C19orf47: variants seen among roughly 807,000 people sequenced by gnomAD.
The protein encoded by C19orf47 is uncharacterized protein C19orf47.
Under a neutral mutation model 32.3 loss-of-function variants are expected in C19orf47, and 18 were observed. The ratio of observed to expected loss-of-function variants is 0.56; its 90% CI spans 0.39 to 0.83. The LOEUF (loss-of-function observed/expected upper bound fraction) is 0.83. C19orf47 is among the 40% of genes least tolerant of loss of function. The pLI is 0.00. For missense variants in C19orf47, 484 were observed against 531.6 expected, an observed-to-expected ratio of 0.91 and a Z score of 0.88; for synonymous variants, 202 against 211.1, an observed-to-expected ratio of 0.96 and a Z score of 0.37.
chr19:40,342,096 G>A, intron 1 of C19orf47: 1 of 978,430 alleles, frequency 1.0e-6, no homozygotes, highest in South Asian at 4.7e-5. Context: ...CAAGGCCCAG[G>A]GACAGCAAAT....
downstream of C19orf47, among the ~76,000 whole-genome samples, chr19:40,315,299 T>C (rs566346308): frequency 4.7e-4 from 71 of 152,272 alleles, no homozygotes; most frequent in Non-Finnish European, 8.2e-4. Context: ...TAACTGAGCG[T>C]GGGGTATACA....
At chr19:40,319,264 C>CTA (rs2077684547), downstream of C19orf47, among the ~76,000 whole-genome samples, 1 of 150,660 alleles carries the variant, frequency 6.6e-6, no homozygotes, top group South Asian at 2.1e-4. Context: ...GAGCAAAACT[C>CTA]TAACTCAAAA....
intron 2 of C19orf47, among the ~76,000 whole-genome samples, chr19:40,337,248 A>G (rs1459945389): frequency 6.6e-6 from 1 of 151,702 alleles, no homozygotes; most frequent in African/African-American, 2.4e-5. Context: ...AAGGCTTTAA[A>G]TGATGCTTGA....
chr19:40,348,451 C>A, upstream of C19orf47: 1 of 1,501,904 alleles, frequency 6.7e-7, no homozygotes, highest in Non-Finnish European at 8.8e-7. Context: ...GGAAGCTGAA[C>A]TGACTCGTCC....
At chr19:40,346,462 TA>T in intron 1 of C19orf47, among the ~76,000 whole-genome samples, 1 of 107,950 alleles carries the variant, frequency 9.3e-6, no homozygotes, top group East Asian at 2.5e-4. Flanking sequence ...AATAAATAAA[TA>T]AATAAATAAA....
intron 5 of C19orf47, among the ~76,000 whole-genome samples, chr19:40,333,599 TCTAGGAG>T (rs1226432556): frequency 1.3e-5 from 2 of 152,220 alleles, no homozygotes; most frequent in African/African-American, 4.8e-5. Context: ...CTGTATTTCT[TCTAGGAG>T]CTAAGAATTC....
chr19:40,333,262 T>TAAATAAGA lies in C19orf47; in HGVS notation c.301+588_301+589insTCTTATTT, dbSNP rs1457861042. On this transcript the variant is annotated intron_variant, in intron 5 of 8. Transcript: ENST00000683109. ...AACAGAGACTCCATCTCAAAATAAATAAATAAATAAGAAAATAAATAAATA... is the reference window on the plus strand; with the variant it reads ...AACAGAGACTCCATCTCAAAATAAATAAATAAGAAAATAAATAAGAAAATAAATAAATA... 9.5e-3 allele frequency among the ~76,000 whole-genome samples: 1,177 copies of TAAATAAGA among 124,540 alleles called. 4 individuals carry two copies. The highest frequency in any genetic ancestry group is 0.035 in the African/African-American group (1,112 of 31,932). 81.7% of individuals were successfully genotyped at this position (124,540 alleles called of 152,430 possible).
At chr19:40,344,256 A>G (rs2078231092) in intron 1 of C19orf47, among the ~76,000 whole-genome samples, 1 of 151,344 alleles carries the variant, frequency 6.6e-6, no homozygotes, top group Non-Finnish European at 1.5e-5. Flanking sequence ...AGGCAGGTGG[A>G]TCACCTGAGG....
chr19:40,299,956 G>A, the C19orf47 span, among the ~76,000 whole-genome samples: 1 of 151,954 alleles, frequency 6.6e-6, no homozygotes, highest in Non-Finnish European at 1.5e-5. Flanking sequence ...TTGAACCCAG[G>A]GGGCGGAGGT....
intron 7 of C19orf47, chr19:40,324,367 T>G: frequency 2.2e-6 from 1 of 454,224 alleles, no homozygotes; most frequent in Non-Finnish European, 4.0e-6. Flanking sequence ...TGCATGTTCC[T>G]TTCACTTCTT....
intron 2 of C19orf47, among the ~76,000 whole-genome samples, chr19:40,339,423 C>T (rs998269966): frequency 1.3e-5 from 2 of 152,172 alleles, no homozygotes; most frequent in African/African-American, 4.8e-5. Context: ...ATATTCATAG[C>T]AGTTTGTCTG....
At chr19:40,341,136 C>A (rs1169908271) in intron 2 of C19orf47, among the ~76,000 whole-genome samples, 1 of 152,026 alleles carries the variant, frequency 6.6e-6, no homozygotes. Flanking sequence ...GAGTTGGAGA[C>A]CAGCCTGGCC....
the C19orf47 span, among the ~76,000 whole-genome samples, chr19:40,300,275 G>A: frequency 6.6e-6 from 1 of 151,876 alleles, no homozygotes; most frequent in African/African-American, 2.4e-5. Context: ...GACCAGCCTA[G>A]CCAACACAAT....
At chr19:40,313,018 G>C in the C19orf47 span, among the ~76,000 whole-genome samples, 2 of 152,156 alleles carry the variant, frequency 1.3e-5, no homozygotes, top group East Asian at 1.9e-4. Context: ...TTGCATGTAC[G>C]TGGAAGTTTC....
At chr19:40,318,549 A>G (rs1237219606), downstream of C19orf47, among the ~76,000 whole-genome samples, 1 of 152,202 alleles carries the variant, frequency 6.6e-6, no homozygotes, top group East Asian at 1.9e-4. Flanking sequence ...AAAATTACCT[A>G]TGAAGTAGAA....
chr19:40,340,351 T>G (rs1458011944), intron 2 of C19orf47, among the ~76,000 whole-genome samples: 1 of 152,038 alleles, frequency 6.6e-6, no homozygotes, highest in Non-Finnish European at 1.5e-5. Flanking sequence ...ACAAAATAGA[T>G]TTTGCCTGCT....
At chr19:40,330,688 C>T (rs1291348948) in intron 5 of C19orf47, among the ~76,000 whole-genome samples, 1 of 151,538 alleles carries the variant, frequency 6.6e-6, no homozygotes, top group Non-Finnish European at 1.5e-5. Flanking sequence ...CCTCCCACAG[C>T]TAATTTACTA....
At chr19:40,315,579 G>A (rs551399404), downstream of C19orf47, among the ~76,000 whole-genome samples, 14 of 152,138 alleles carry the variant, frequency 9.2e-5, no homozygotes, top group East Asian at 5.8e-4. Flanking sequence ...TCAGGAATTC[G>A]AGACCAGCCT....
intron 1 of C19orf47, 181 bp from the exon 2 acceptor site, chr19:40,342,071 C>T (rs750560886): frequency 1.1e-4 from 112 of 985,234 alleles, no homozygotes; most frequent in Non-Finnish European, 1.3e-4. Flanking sequence ...CCACCATCAT[C>T]GCTTGTGCCT....
Sources: allele counts gnomAD v4.1 joint callset (sites outside exome capture counted in the v4.1 genomes callset), GRCh38; gene constraint gnomAD v4.1.1; transcripts MANE v1.5; gene names NCBI Gene and HGNC (gene_info 2026-07-23, HGNC 2026-07-21).